NEBL: variants seen among roughly 807,000 people sequenced by gnomAD.
NEBL encodes LIM and SH3 protein 2.
Under a neutral mutation model 140.2 loss-of-function variants are expected in NEBL, and 122 were observed. The ratio of observed to expected loss-of-function variants is 0.87; its 90% CI spans 0.75 to 1.01. NEBL has a LOEUF of 1.01. Among genes scored for constraint, NEBL ranks in the 50% least tolerant of loss-of-function variants. The pLI, the probability that NEBL is intolerant of heterozygous loss-of-function variation, is 0.00. For synonymous variants in NEBL, 436 were observed against 398.9 expected, an observed-to-expected ratio of 1.09 and a Z score of -1.11; for missense variants, 1,365 against 1,231.3, an observed-to-expected ratio of 1.11 and a Z score of -1.62.
chr10:20,922,525 C>T (rs539574198), intron 4 of NEBL, among the ~76,000 whole-genome samples: 65 of 152,322 alleles, frequency 4.3e-4, no homozygotes, highest in African/African-American at 1.4e-3. Context: ...TAGTCTATTC[C>T]TTCTCATCAG....
At position 21,102,453 on chromosome 10, in the gene NEBL, A is replaced by T. The variant is rs115042784; in HGVS notation, c.164+69930T>A. Among the ~76,000 whole-genome samples the T allele has an allele frequency of 6.6e-3, 1,011 of 152,292 alleles. 12 individuals carry two copies. The highest frequency in any genetic ancestry group is 0.022 in the African/African-American group (929 of 41,560). ...TTACCCACTAACCCAAACCCAGGGA[A>T]CCAACAATATGCTTTCTGTTGCTAT... On this transcript the variant is annotated intron_variant, in intron 2 of 6. Coordinates refer to the NEBL transcript ENST00000417816.
intron 4 of NEBL, among the ~76,000 whole-genome samples, chr10:20,919,494 T>C (rs978291582): frequency 6.6e-6 from 1 of 152,226 alleles, no homozygotes; most frequent in Non-Finnish European, 1.5e-5. Flanking sequence ...TTTCCATTAT[T>C]AGAGCTGTGT....
rs200622730 is a variant in NEBL, at chr10:20,918,955, G to A, written c.357+42717C>T. On this transcript the variant is annotated intron_variant, in intron 4 of 6. Coordinates refer to the NEBL transcript ENST00000417816. ...TAATAAAGCGAAACATTATGCATAG[G>A]AAAATTCTGGAAGGAATTGACCCAA... Among the ~76,000 whole-genome samples, 19 of 152,156 alleles carry A rather than the reference G, an allele frequency of 1.2e-4. 1 individual carries two copies. In the East Asian group the frequency reaches 3.5e-3, roughly 28 times the overall value.
At chr10:20,931,822 A>C (rs546513413) in intron 4 of NEBL, among the ~76,000 whole-genome samples, 2 of 152,214 alleles carry the variant, frequency 1.3e-5, no homozygotes, top group African/African-American at 4.8e-5. Flanking sequence ...GGAGGTAAAG[A>C]AAGTCCCACA....
chr10:20,997,866 C>T (rs987088166), intron 3 of NEBL, among the ~76,000 whole-genome samples: 11 of 152,186 alleles, frequency 7.2e-5, no homozygotes, highest in Admixed American at 7.2e-4. Context: ...AAGATGGGTA[C>T]AGCCAACAAA....
intron 2 of NEBL, among the ~76,000 whole-genome samples, chr10:21,250,923 T>C (rs553620945): frequency 6.6e-6 from 1 of 152,298 alleles, no homozygotes; most frequent in East Asian, 1.9e-4. Flanking sequence ...CTTTTGGCAA[T>C]ATGGTATGTT....
At chr10:21,211,489 C>A (rs551880526) in intron 3 of NEBL, among the ~76,000 whole-genome samples, 1 of 151,868 alleles carries the variant, frequency 6.6e-6, no homozygotes, top group Non-Finnish European at 1.5e-5. Context: ...AACAAACAAA[C>A]AAAAAACAAA....
intron 3 of NEBL, among the ~76,000 whole-genome samples, chr10:21,205,937 A>G (rs1564542463): frequency 6.6e-6 from 1 of 152,254 alleles, no homozygotes; most frequent in Non-Finnish European, 1.5e-5. Flanking sequence ...TTCACAATGC[A>G]TCAGTAGGAC....
intron 3 of NEBL, among the ~76,000 whole-genome samples, 198 bp downstream of exon 3, chr10:20,889,647 A>T (rs1239845772): frequency 6.6e-6 from 1 of 152,206 alleles, no homozygotes; most frequent in Non-Finnish European, 1.5e-5. Flanking sequence ...AATAAAATGT[A>T]TGAAGCATAC....
At chr10:21,098,635 A>G (rs1435573053) in intron 2 of NEBL, among the ~76,000 whole-genome samples, 1 of 152,110 alleles carries the variant, frequency 6.6e-6, no homozygotes, top group Non-Finnish European at 1.5e-5. Flanking sequence ...ATGAAGATAA[A>G]CTCAGTTCAT....
chr10:21,059,885 C>A (rs1249942950), intron 2 of NEBL, among the ~76,000 whole-genome samples: 1 of 152,164 alleles, frequency 6.6e-6, no homozygotes, highest in Admixed American at 6.5e-5. Flanking sequence ...CCAGACACTC[C>A]AAACTGGGGA....
chr10:21,228,934 T>C (rs999087408), intron 3 of NEBL, among the ~76,000 whole-genome samples: 30 of 152,008 alleles, frequency 2.0e-4, no homozygotes, highest in African/African-American at 7.0e-4. Flanking sequence ...ACTGTTGGAC[T>C]CTCCAGAGCT....
chr10:21,113,949 A>C (rs2132026825), intron 2 of NEBL, among the ~76,000 whole-genome samples: 1 of 152,094 alleles, frequency 6.6e-6, no homozygotes, highest in Admixed American at 6.6e-5. Flanking sequence ...TCTTCTGCTT[A>C]CTTTTGCTTT....
chr10:20,927,181 A>C (rs1304574393), intron 4 of NEBL, among the ~76,000 whole-genome samples: 5 of 152,188 alleles, frequency 3.3e-5, no homozygotes, highest in Non-Finnish European at 5.9e-5. Context: ...ATGGGGAATG[A>C]AGAAGAATAA....
chr10:21,211,048 G>A (rs1841907547), intron 3 of NEBL, among the ~76,000 whole-genome samples: 1 of 152,074 alleles, frequency 6.6e-6, no homozygotes, highest in Admixed American at 6.6e-5. Flanking sequence ...CGTTTTCTTT[G>A]ACATGGGCAA....
At chr10:21,199,628 G>C (rs1564541433) in intron 3 of NEBL, among the ~76,000 whole-genome samples, 1 of 152,186 alleles carries the variant, frequency 6.6e-6, no homozygotes, top group Non-Finnish European at 1.5e-5. Flanking sequence ...GAACTGTGCT[G>C]TCAGGAGGCA....
chr10:21,104,096 TCA>T (rs1452347745), intron 2 of NEBL, among the ~76,000 whole-genome samples: 2 of 152,188 alleles, frequency 1.3e-5, no homozygotes, highest in Non-Finnish European at 2.9e-5. Context: ...TTGTGGAAAA[TCA>T]CTGCTCTACA....
chr10:21,014,403 G>A (rs186770902), intron 3 of NEBL, among the ~76,000 whole-genome samples: 6 of 152,222 alleles, frequency 3.9e-5, no homozygotes, highest in South Asian at 2.1e-4. Flanking sequence ...ACATGCAATC[G>A]GTATCCAGTG....
intron 1 of NEBL, among the ~76,000 whole-genome samples, chr10:21,288,297 G>A (rs780944490): frequency 4.0e-5 from 6 of 151,874 alleles, no homozygotes; most frequent in African/African-American, 1.2e-4. Context: ...ATGAAACCCT[G>A]TCTCTACTAA....
Sources: allele counts gnomAD v4.1 joint callset (sites outside exome capture counted in the v4.1 genomes callset), GRCh38; gene constraint gnomAD v4.1.1; transcripts MANE v1.5; gene names NCBI Gene and HGNC (gene_info 2026-07-23, HGNC 2026-07-21).